CEP170: variants seen among roughly 807,000 people sequenced by gnomAD.
The protein encoded by CEP170 is centrosomal protein 170.
A neutral mutation model predicts 151.9 loss-of-function variants in CEP170; 21 were observed. The ratio of observed to expected loss-of-function variants is 0.14; its 90% CI spans 0.10 to 0.20. The LOEUF (loss-of-function observed/expected upper bound fraction) is 0.20. CEP170 is among the 10% of genes least tolerant of loss of function. The pLI is 1.00. For missense variants in CEP170, 964 were observed against 1,892.9 expected (o/e 0.51, Z 9.11); for synonymous variants, 356 against 648.8 (o/e 0.55, Z 6.86).
At chr1:243,250,956 A>G (rs1017650045) in intron 1 of CEP170, among the ~76,000 whole-genome samples, 9 of 152,228 alleles carry the variant, frequency 5.9e-5, no homozygotes, top group Non-Finnish European at 1.2e-4. Context: ...AATAGCACTG[A>G]CAAAACTGAT....
At chr1:243,218,156 CTCCTTCCCTAACCTT>C (rs1366753712) in intron 3 of CEP170, among the ~76,000 whole-genome samples, 1 of 152,244 alleles carries the variant, frequency 6.6e-6, no homozygotes, top group Non-Finnish European at 1.5e-5. Flanking sequence ...AAAGCCTCCT[CTCCTTCCCTAACCTT>C]TCCTTTCAAC....
At position 243,191,957 on chromosome 1, in the gene CEP170, T is replaced by C. The variant is rs540669104; in HGVS notation, c.632-463A>G. On this transcript the variant is annotated intron_variant, in intron 7 of 19. Coordinates refer to ENST00000366542, the MANE Select transcript of CEP170 (RefSeq NM_014812.3). ...ACACATGTAGTGCTCCAAAGGAGAA[T>C]AGGTGCTCAAATGAGAATACAAACA... 2.6e-4 allele frequency among the ~76,000 whole-genome samples: 40 copies of C among 152,286 alleles called. No individual in the cohort carries two copies. In the South Asian group the frequency reaches 7.3e-3, roughly 28 times the overall value.
intron 14 of CEP170, among the ~76,000 whole-genome samples, chr1:243,149,122 T>C (rs1167766841): frequency 1.3e-5 from 2 of 151,772 alleles, no homozygotes; most frequent in African/African-American, 4.8e-5. Flanking sequence ...GTGAATGAAA[T>C]GTTTATCGCT....
At chr1:243,253,371 G>A (rs75050709) in intron 1 of CEP170, 5,488 of 152,272 alleles carry the variant, frequency 0.036, 136 homozygotes, top group Middle Eastern at 0.14. Context: ...GGGGGACACA[G>A]GAAAGATCAC....
At chr1:243,139,899 C>T (rs562466126) in intron 16 of CEP170, 38 bp downstream of exon 16, 1 of 1,596,068 alleles carries the variant, frequency 6.3e-7, no homozygotes, top group South Asian at 1.1e-5. Flanking sequence ...ATGGAATATG[C>T]TGCTTCTGCC....
chr1:243,154,544 T>C (rs936893403), intron 14 of CEP170, among the ~76,000 whole-genome samples: 3 of 152,208 alleles, frequency 2.0e-5, no homozygotes, highest in African/African-American at 4.8e-5. Flanking sequence ...TTGAGATATA[T>C]AGCTAGAAAG....
At chr1:243,177,483 A>G (rs1272452122) in intron 10 of CEP170, among the ~76,000 whole-genome samples, 1 of 152,232 alleles carries the variant, frequency 6.6e-6, no homozygotes, top group Non-Finnish European at 1.5e-5. Flanking sequence ...AATGTACTCA[A>G]GTTTCAACCT....
intron 14 of CEP170, among the ~76,000 whole-genome samples, chr1:243,150,134 G>A (rs1237673473): frequency 1.3e-5 from 2 of 152,108 alleles, no homozygotes; most frequent in Non-Finnish European, 2.9e-5. Flanking sequence ...ATCAGGGAAC[G>A]AGACTGATAG....
intron 3 of CEP170, among the ~76,000 whole-genome samples, chr1:243,215,184 T>A (rs2062154995): frequency 6.6e-6 from 1 of 152,196 alleles, no homozygotes; most frequent in Non-Finnish European, 1.5e-5. Context: ...GTCATCTTCG[T>A]AAGCTGAGGA....
At chr1:243,230,179 C>CAT (rs1050145155) in intron 1 of CEP170, among the ~76,000 whole-genome samples, 39 of 151,448 alleles carry the variant, frequency 2.6e-4, no homozygotes, top group African/African-American at 8.7e-4. Context: ...AATGAGACCT[C>CAT]ATATCTATGA....
At chr1:243,192,826 A>T (rs1182878676) in intron 7 of CEP170, among the ~76,000 whole-genome samples, 1 of 152,210 alleles carries the variant, frequency 6.6e-6, no homozygotes, top group Non-Finnish European at 1.5e-5. Context: ...TCTCTCTTTC[A>T]TAATCAAATG....
chr1:243,229,962 C>T lies in CEP170; in HGVS notation c.-41-4641G>A, dbSNP rs577891894. On this transcript the variant is annotated intron_variant, in intron 1 of 19. Coordinates refer to ENST00000366542, the MANE Select transcript of CEP170 (RefSeq NM_014812.3). ...AAAAACAGTTTACAAAAGTCACAAA[C>T]AGATCATCACTTTAACCCTCAACAA... is the stretch of plus-strand genomic sequence containing the variant. Among the ~76,000 whole-genome samples the T allele has an allele frequency of 2.8e-3, 426 of 152,286 alleles. 7 individuals carry two copies. Among genetic ancestry groups the T allele is most frequent in the Non-Finnish European group, 3.2e-3 (221 of 68,028 alleles).
intron 1 of CEP170, among the ~76,000 whole-genome samples, chr1:243,241,339 C>T (rs912894663): frequency 1.3e-5 from 2 of 152,156 alleles, no homozygotes; most frequent in Admixed American, 6.5e-5. Flanking sequence ...ACAATGTTAA[C>T]GACATCCCTT....
chr1:243,205,249 C>G (rs1225622735), intron 4 of CEP170, among the ~76,000 whole-genome samples: 3 of 152,130 alleles, frequency 2.0e-5, no homozygotes, highest in Non-Finnish European at 2.9e-5. Flanking sequence ...GATAATAGTA[C>G]CCAGTGCCCA....
chr1:243,127,222 A>G (rs900325324), intron 19 of CEP170, among the ~76,000 whole-genome samples: 2 of 152,168 alleles, frequency 1.3e-5, no homozygotes, highest in African/African-American at 2.4e-5. Flanking sequence ...GCCTGGCCAG[A>G]GTGCTAGGGT....
chr1:243,193,097 AT>A (rs1282971582), intron 7 of CEP170, among the ~76,000 whole-genome samples: 1 of 152,164 alleles, frequency 6.6e-6, no homozygotes, highest in Non-Finnish European at 1.5e-5. Context: ...GTTTAAAAAA[AT>A]GTTTGATTAA....
intron 14 of CEP170, among the ~76,000 whole-genome samples, chr1:243,152,367 G>A (rs1425727687): frequency 2.7e-5 from 4 of 149,132 alleles, no homozygotes; most frequent in Non-Finnish European, 4.5e-5. Flanking sequence ...GACTACAGGC[G>A]CCCGCCACCA....
At chr1:243,155,613 G>A (rs974873259) in intron 14 of CEP170, among the ~76,000 whole-genome samples, 1 of 151,990 alleles carries the variant, frequency 6.6e-6, no homozygotes, top group Non-Finnish European at 1.5e-5. Context: ...GCCATAGTAA[G>A]TTATTAATTT....
At chr1:243,200,370 T>C (rs2060945806) in intron 6 of CEP170, 148 bp downstream of exon 6, 1 of 672,572 alleles carries the variant, frequency 1.5e-6, no homozygotes, top group African/African-American at 1.8e-5. Context: ...TGTTTCCTAA[T>C]GAAAGCACTG....
Sources: allele counts gnomAD v4.1 joint callset (sites outside exome capture counted in the v4.1 genomes callset), GRCh38; gene constraint gnomAD v4.1.1; transcripts MANE v1.5; gene names NCBI Gene and HGNC (gene_info 2026-07-23, HGNC 2026-07-21).